KCNH1: variants seen among roughly 807,000 people sequenced by gnomAD.
The protein encoded by KCNH1 is potassium voltage-gated channel subfamily H member 1.
In KCNH1, 27 loss-of-function variants were observed where a neutral mutation model predicts 69.2. That is an observed-to-expected ratio of 0.39 (90% confidence interval 0.29 to 0.54). KCNH1 has a LOEUF of 0.54. KCNH1 is among the 20% of genes least tolerant of loss of function. The probability of loss-of-function intolerance (pLI) is 0.68; values close to 1 mark genes in which losing one functional copy is unlikely to be tolerated. For synonymous variants in KCNH1, 456 were observed against 487.7 expected (o/e 0.93, Z 0.86); for missense variants, 798 against 1,261.6 (o/e 0.63, Z 5.57).
At chr1:210,985,731 G>A (rs1208655776) in intron 6 of KCNH1, among the ~76,000 whole-genome samples, 1 of 152,102 alleles carries the variant, frequency 6.6e-6, no homozygotes, top group Non-Finnish European at 1.5e-5. Flanking sequence ...AACAGGTGTG[G>A]TGTGGTGCTG....
rs1691299851 is a variant in KCNH1, at chr1:211,103,554, C to T, written c.252G>A (p.Arg84=). Reference sequence around the variant, plus strand: ...TCATCTCATAGTTCTCAAATGTTTGCCGCACTTTTTCAATCGTGTCTTTAT... The same window carrying T: ...TCATCTCATAGTTCTCAAATGTTTGTCGCACTTTTTCAATCGTGTCTTTAT... The part of the protein sequence containing the change: ...LTDKDTIEKV[R]QTFENYEMNS... The change falls in exon 3 of 11, where the codon CGG becomes CGA. Residue 84 remains arginine, a synonymous_variant. Transcript: ENST00000271751. The T allele has an allele frequency of 4.3e-6, 7 of 1,613,404 alleles. No individual in the cohort carries two copies. In the African/African-American group the frequency reaches 6.7e-5, roughly 15 times the overall value.
intron 9 of KCNH1, among the ~76,000 whole-genome samples, chr1:210,793,287 G>A (rs1574259436): frequency 6.6e-6 from 1 of 152,284 alleles, no homozygotes; most frequent in East Asian, 1.9e-4. Flanking sequence ...ACTGCAGACT[G>A]TGATCAGGTC....
At chr1:211,107,864 G>A (rs1260260210) in intron 1 of KCNH1, among the ~76,000 whole-genome samples, 1 of 152,184 alleles carries the variant, frequency 6.6e-6, no homozygotes, top group Non-Finnish European at 1.5e-5. Context: ...TCTCAGGAAG[G>A]CACAGAAAGG....
Position 211,018,900 on chromosome 1 carries a change from T to C in KCNH1, c.915A>G (p.Pro305=), listed in dbSNP as rs773284457. 5 of 1,613,902 alleles carry C rather than the reference T, an allele frequency of 3.1e-6. No homozygotes were observed. In the South Asian group the frequency reaches 4.4e-5, roughly 14 times the overall value. The change falls in exon 6 of 11, where the codon CCA becomes CCG. Residue 305 remains proline, a synonymous_variant. Transcript: ENST00000271751. ...TCTCAAAAGCGTTGATGACATCATATGGCAAACAGGACAGAAGGTCAATCA... is the reference window on the plus strand; with the variant it reads ...TCTCAAAAGCGTTGATGACATCATACGGCAAACAGGACAGAAGGTCAATCA... ...WFVIDLLSCL[P]YDVINAFENV...
intron 1 of KCNH1, among the ~76,000 whole-genome samples, chr1:211,121,860 G>T (rs1028480150): frequency 6.6e-6 from 1 of 152,170 alleles, no homozygotes; most frequent in African/African-American, 2.4e-5. Context: ...CCCCGGCCAG[G>T]CGTGGTAGCT....
At chr1:211,056,929 G>C (rs148328093) in intron 5 of KCNH1, among the ~76,000 whole-genome samples, 1 of 152,128 alleles carries the variant, frequency 6.6e-6, no homozygotes, top group African/African-American at 2.4e-5. Flanking sequence ...AAGAAAGATG[G>C]GTTCAAACTG....
In KCNH1 at chr1:210,813,595, G is replaced by A. The variant is rs151109302; in HGVS notation, c.1463-9429C>T. ...GGTCTTTACTGTTGTTGTTGCTTTT[G>A]TTTCTTCTAATGTGATATTGATGGA... is the stretch of plus-strand genomic sequence containing the variant. On this transcript the variant is annotated intron_variant, in intron 7 of 10. Coordinates refer to ENST00000271751, the MANE Select transcript of KCNH1 (RefSeq NM_172362.3). Among the ~76,000 whole-genome samples the A allele has an allele frequency of 8.5e-4, 130 of 152,234 alleles. 1 individual carries two copies. The highest frequency in any genetic ancestry group is 3.0e-3 in the African/African-American group (123 of 41,542).
rs1355891994 is a variant in KCNH1 at position 211,030,969 on chromosome 1, C to T, written c.559-11713G>A. On this transcript the variant is annotated intron_variant, in intron 5 of 10. Coordinates refer to ENST00000271751, the MANE Select transcript of KCNH1 (RefSeq NM_172362.3). ...TTACCCAAAAGGAGATACAGATAAC[C>T]AATAAGCACATGAAAAAAATGTTCA... Among the ~76,000 whole-genome samples the T allele has an allele frequency of 3.9e-5, 6 of 151,960 alleles. No homozygotes were observed. In the South Asian group the frequency reaches 1.0e-3, roughly 26 times the overall value.
chr1:211,046,465 C>A (rs1315609978), intron 5 of KCNH1, among the ~76,000 whole-genome samples: 1 of 152,154 alleles, frequency 6.6e-6, no homozygotes, highest in Non-Finnish European at 1.5e-5. Flanking sequence ...TTACTGAGTA[C>A]TTACTACATG....
intron 9 of KCNH1, among the ~76,000 whole-genome samples, chr1:210,781,286 T>C (rs1683977610): frequency 6.6e-6 from 1 of 152,144 alleles, no homozygotes; most frequent in African/African-American, 2.4e-5. Context: ...TTAGATCCAC[T>C]ACTCTGTTGG....
chr1:210,710,693 T>C (rs34023924), intron 10 of KCNH1, among the ~76,000 whole-genome samples: 19,554 of 152,106 alleles, frequency 0.13, 1,376 homozygotes, highest in Middle Eastern at 0.2. Flanking sequence ...GGCTGGTAAG[T>C]GGTGTGGCAG....
At chr1:210,752,120 T>C (rs938857380) in intron 10 of KCNH1, among the ~76,000 whole-genome samples, 3 of 152,126 alleles carry the variant, frequency 2.0e-5, no homozygotes, top group Non-Finnish European at 4.4e-5. Flanking sequence ...AGAATGAAGA[T>C]ACAATCTGAA....
intron 6 of KCNH1, among the ~76,000 whole-genome samples, chr1:210,951,207 TA>T (rs1189980640): frequency 2.0e-5 from 3 of 152,202 alleles, no homozygotes; most frequent in African/African-American, 7.2e-5. Flanking sequence ...GAAACTCCAC[TA>T]GGGGCAGACC....
chr1:210,954,691 C>T (rs1219173491), intron 6 of KCNH1, among the ~76,000 whole-genome samples: 2 of 152,210 alleles, frequency 1.3e-5, no homozygotes, highest in African/African-American at 2.4e-5. Flanking sequence ...CCGTTGGCTG[C>T]ACAAATGTCT....
chr1:210,971,859 TAAA>T (rs916988659), intron 6 of KCNH1, among the ~76,000 whole-genome samples: 3 of 152,168 alleles, frequency 2.0e-5, no homozygotes, highest in Admixed American at 6.6e-5. Context: ...ACTTCATACT[TAAA>T]GAAGCTTTTA....
intron 10 of KCNH1, among the ~76,000 whole-genome samples, chr1:210,727,126 G>A (rs114901779): frequency 2.0e-5 from 3 of 152,254 alleles, no homozygotes; most frequent in African/African-American, 4.8e-5. Context: ...ACTCTATCAC[G>A]AGTTCCTCAT....
chr1:210,867,800 A>G (rs1686147710), intron 7 of KCNH1, among the ~76,000 whole-genome samples: 1 of 152,002 alleles, frequency 6.6e-6, no homozygotes, highest in Non-Finnish European at 1.5e-5. Flanking sequence ...GGACTTTTTT[A>G]TAACTCAGGA....
At chr1:211,113,772 T>C (rs575130688) in intron 1 of KCNH1, among the ~76,000 whole-genome samples, 3 of 151,872 alleles carry the variant, frequency 2.0e-5, no homozygotes, top group East Asian at 1.9e-4. Flanking sequence ...AATAAGCAGA[T>C]GGTTATCACA....
intron 1 of KCNH1, among the ~76,000 whole-genome samples, chr1:211,118,349 C>T (rs964896960): frequency 1.3e-5 from 2 of 152,128 alleles, no homozygotes; most frequent in Non-Finnish European, 2.9e-5. Flanking sequence ...TTATCAAGTC[C>T]TTCCTACATT....
Sources: allele counts gnomAD v4.1 joint callset (sites outside exome capture counted in the v4.1 genomes callset), GRCh38; gene constraint gnomAD v4.1.1; transcripts MANE v1.5; gene names NCBI Gene and HGNC (gene_info 2026-07-23, HGNC 2026-07-21).